HSPG2: variants seen among roughly 807,000 people sequenced by gnomAD.
HSPG2 encodes the protein basement membrane-specific heparan sulfate proteoglycan core protein.
A neutral mutation model predicts 526.6 loss-of-function variants in HSPG2; 278 were observed. The observed-to-expected ratio is 0.53, with a 90% CI of 0.48 to 0.58. HSPG2 has a LOEUF of 0.58. HSPG2 is among the 20% of genes least tolerant of loss of function. The pLI is 0.00. For synonymous variants in HSPG2, 2,465 were observed against 2,555.4 expected (o/e 0.96, Z 1.07); for missense variants, 5,354 against 6,099.5 (o/e 0.88, Z 4.07).
chr1:21,831,328 G>A lies in HSPG2; in HGVS notation c.11453-4C>T, dbSNP rs368703528. The A allele has an allele frequency of 2.5e-6, 4 of 1,613,504 alleles. No homozygotes were observed. Among genetic ancestry groups the A allele is most frequent in the Non-Finnish European group, 3.4e-6 (4 of 1,179,594 alleles). On this transcript the variant is annotated splice_polypyrimidine_tract_variant and splice_region_variant and intron_variant, in intron 83 of 96. Transcript: ENST00000374695. ...ATGCGCAGCTCCCGGACACAGCCTG[G>A]GAGGTGAGTGGGCAGGATGAGCACA...
chr1:21,863,926 G>C (rs768579199), intron 37 of HSPG2, among the ~76,000 whole-genome samples, 174 bp downstream of exon 37: 2 of 152,150 alleles, frequency 1.3e-5, no homozygotes, highest in African/African-American at 2.4e-5. Flanking sequence ...TTATTCCATA[G>C]CTCTGGCCAC....
rs759308777 is a variant in HSPG2 at position 21,880,352 on chromosome 1, G to A, written c.2195+11C>T. 4.3e-6 allele frequency: 7 copies of A among 1,614,058 alleles called. No individual in the cohort carries two copies. The South Asian group carries it at 4.4e-5, about 10-fold the overall frequency. On this transcript the variant is annotated intron_variant, in intron 16 of 96. Transcript: ENST00000374695. Reference sequence around the variant, plus strand: ...GGTCTCTGTGGTTCCCAGCCCTGCCGGCTCAGGCACCTGCACTCCTCCACA... The same window carrying A: ...GGTCTCTGTGGTTCCCAGCCCTGCCAGCTCAGGCACCTGCACTCCTCCACA...
rs766229469 is a variant in HSPG2 at position 21,884,794 on chromosome 1, C to T, written c.1480G>A (p.Gly494Ser). ...CGTTGTGGGACGAGCTCAAGGACAC[C>T]GTCAGGAATGCCAAACACCATGCCC... The part of the protein sequence containing the change: ...ARGMVFGIPD[G>S]VLELVPQRGP... The change falls in exon 12 of 97, where the codon GGT (glycine) becomes AGT (serine). Residue 494 changes from glycine (G) to serine (S), a missense_variant. Physicochemically the swap from Gly to Ser is moderately conservative, Grantham distance 56. Transcript: ENST00000374695. 9.3e-6 allele frequency: 15 copies of T among 1,613,578 alleles called. No individual in the cohort carries two copies. Among genetic ancestry groups the T allele is most frequent in the Non-Finnish European group, 1.3e-5 (15 of 1,180,004 alleles).
At chr1:21,886,285 C>G (rs1245717063) in intron 9 of HSPG2, among the ~76,000 whole-genome samples, 1 of 152,212 alleles carries the variant, frequency 6.6e-6, no homozygotes, top group African/African-American at 2.4e-5. Flanking sequence ...ATTACTTTAT[C>G]TCTCCCAAGG....
In HSPG2 at chr1:21,829,525, C is replaced by T. The variant is rs762379272; in HGVS notation, c.11850G>A (p.Glu3950=). Residue 3950 remains glutamate, a synonymous_variant, in exon 87 of 97, where the codon GAG becomes GAA. Transcript: ENST00000374695. ...ALPALTNTHH[E]LRLDVEFKPL... ...GCTTGAACTCCACGTCCAGGCGTAGCTCGTGGTGTGTGTTGGTGAGGGCGG... is the reference window on the plus strand; with the variant it reads ...GCTTGAACTCCACGTCCAGGCGTAGTTCGTGGTGTGTGTTGGTGAGGGCGG... The T allele has an allele frequency of 5.0e-6, 8 of 1,613,128 alleles. No homozygotes were observed. The highest frequency in any genetic ancestry group is 6.8e-6 in the Non-Finnish European group (8 of 1,179,854).
At chr1:21,883,155 G>T (rs777865085) in intron 13 of HSPG2, among the ~76,000 whole-genome samples, 1 of 152,146 alleles carries the variant, frequency 6.6e-6, no homozygotes, top group Non-Finnish European at 1.5e-5. Context: ...AGAGCCCTGG[G>T]GCTCTCATCT....
intron 91 of HSPG2, among the ~76,000 whole-genome samples, chr1:21,826,579 G>A (rs2097975629): frequency 6.6e-6 from 1 of 151,860 alleles, no homozygotes; most frequent in Non-Finnish European, 1.5e-5. Context: ...ATGCAATCTT[G>A]GCTCATGGCA....
rs553114398 is a variant in HSPG2 at position 21,893,923 on chromosome 1, G to A, written c.244+1999C>T. 4.6e-5 allele frequency among the ~76,000 whole-genome samples: 7 copies of A among 151,730 alleles called. No homozygotes were observed. Among genetic ancestry groups the A allele is most frequent in the Non-Finnish European group, 8.8e-5 (6 of 67,862 alleles). ...GGGGAGAGAGGGAAAGACAGAGGGC[G>A]ACAGAAGCAGAGATGGTGAGCCAGA... On this transcript the variant is annotated intron_variant, in intron 3 of 96. Transcript: ENST00000374695. The surrounding 1 kb of genome is among the most constrained non-coding windows in gnomAD (Gnocchi z 4.3).
chr1:21,846,280 A>G, intron 63 of HSPG2, 25 bp from the exon 64 acceptor site: 1 of 1,612,850 alleles, frequency 6.2e-7, no homozygotes, highest in Non-Finnish European at 8.5e-7. Flanking sequence ...GGACAGAGGA[A>G]CAGAGTCAGG....
intron 91 of HSPG2, chr1:21,825,318 C>T (rs1287025590): frequency 2.3e-5 from 4 of 173,186 alleles, no homozygotes; most frequent in Non-Finnish European, 5.0e-5. Flanking sequence ...GGATCCGTGT[C>T]GGGTGACCCG....
chr1:21,837,172 C>T (rs768984882), intron 74 of HSPG2, among the ~76,000 whole-genome samples, 166 bp from the exon 75 acceptor site: 7 of 152,246 alleles, frequency 4.6e-5, no homozygotes, highest in Non-Finnish European at 1.0e-4. Context: ...TTCATCTGCA[C>T]ACACAGCTGC....
intron 1 of HSPG2, among the ~76,000 whole-genome samples, chr1:21,905,936 G>A (rs1018485504): frequency 1.3e-5 from 2 of 152,238 alleles, no homozygotes; most frequent in African/African-American, 4.8e-5. Context: ...GCTTGAGCCA[G>A]GAGCTCGAGG....
rs759110395 is a variant in HSPG2 at position 21,823,739 on chromosome 1, G to T, written c.12900-20C>A. The T allele has an allele frequency of 1.9e-6, 3 of 1,602,416 alleles. No individual in the cohort carries two copies. Among genetic ancestry groups the T allele is most frequent in the Non-Finnish European group, 2.6e-6 (3 of 1,170,616 alleles). ...CCCTCCCTGCAGTGGAACTGGGTCA[G>T]GCCCCTTTCCACAAACTTCCTGGTC... On this transcript the variant is annotated intron_variant, in intron 95 of 96. Transcript: ENST00000374695.
chr1:21,865,662 C>A lies in HSPG2; in HGVS notation c.4314+55G>T, dbSNP rs968780406. 2.9e-6 allele frequency: 4 copies of A among 1,385,152 alleles called. No individual in the cohort carries two copies. The African/African-American group carries it at 4.3e-5, about 15-fold the overall frequency. The allele number at this position is 1,385,152 out of a possible 1,614,324, so 85.8% of individuals were successfully genotyped here. On this transcript the variant is annotated intron_variant, in intron 34 of 96. Coordinates refer to ENST00000374695, the MANE Select transcript of HSPG2 (RefSeq NM_005529.7). The surrounding 1 kb of genome is among the most constrained non-coding windows in gnomAD (Gnocchi z 5.4). ...GGACAAAGGACAAATGCCGAGGGTG[C>A]CCCTGGCTTCCATCCTGCCCTTCTG... is the stretch of plus-strand genomic sequence containing the variant.
At chr1:21,925,584 A>G (rs972134712) in intron 1 of HSPG2, among the ~76,000 whole-genome samples, 43 of 152,204 alleles carry the variant, frequency 2.8e-4, no homozygotes, top group African/African-American at 1.0e-3. Flanking sequence ...TCTGGGGAAC[A>G]TTATCACTGG....
chr1:21,843,343 T>C lies in HSPG2; in HGVS notation c.8712A>G (p.Ala2904=), dbSNP rs763242347. The change falls in exon 66 of 97, where the codon GCA becomes GCG. Residue 2904 remains alanine, a synonymous_variant. Transcript: ENST00000374695. ...AGGGCTCAATTGTGACCAGGACAGA[T>C]GCCTCCAGGGTGCCTGAGCTTCCGG... The part of the protein sequence containing the change: ...QVTGSSGTLE[A]SVLVTIEPSS... The C allele has an allele frequency of 7.4e-6, 12 of 1,614,110 alleles. No individual in the cohort carries two copies. In the South Asian group the frequency reaches 1.2e-4, roughly 16 times the overall value.
rs1485953130 is a variant in HSPG2 at position 21,895,645 on chromosome 1, A to G, written c.244+277T>C. On this transcript the variant is annotated intron_variant, in intron 3 of 96. Transcript: ENST00000374695. The surrounding 1 kb of genome is among the most constrained non-coding windows in gnomAD (Gnocchi z 4.1). ...CTTTGCTTTGAATGTGAAACAGCTG[A>G]CTGGCTGTCAGTCCCCAGCAGAACT... Among the ~76,000 whole-genome samples, 1 of 152,202 alleles carries G rather than the reference A, an allele frequency of 6.6e-6. No homozygotes were observed. The highest frequency in any genetic ancestry group is 1.9e-4 in the East Asian group (1 of 5,192).
At chr1:21,843,928 G>A (rs1023875493) in intron 65 of HSPG2, among the ~76,000 whole-genome samples, 4 of 152,176 alleles carry the variant, frequency 2.6e-5, no homozygotes, top group Non-Finnish European at 5.9e-5. Flanking sequence ...GAGCCACTGC[G>A]CCCAGCCAGA....
chr1:21,834,656 CA>C (rs1557683211), intron 77 of HSPG2, 22 bp downstream of exon 77: 1 of 1,613,540 alleles, frequency 6.2e-7, no homozygotes, highest in East Asian at 2.2e-5. Context: ...TGTCCCCCAA[CA>C]AAAGTCCCCA....
Sources: gnomAD v4.1 joint callset for allele counts (sites outside exome capture counted in the v4.1 genomes callset) on GRCh38, gnomAD v4.1.1 for gene constraint, Gnocchi (gnomAD v3.1) non-coding constraint, MANE v1.5 for transcripts, NCBI Gene and HGNC (gene_info 2026-07-23, HGNC 2026-07-21) for gene names.